Variants in DOCK6 observed in about 807,000 individuals in gnomAD.
DOCK6 encodes the protein dedicator of cytokinesis 6, also known as dedicator of cytokinesis protein 6.
Under a neutral mutation model 230.3 loss-of-function variants are expected in DOCK6, and 167 were observed. That is an observed-to-expected ratio of 0.73 (90% CI 0.64 to 0.82). DOCK6 has a LOEUF of 0.82. Ranked by LOEUF, DOCK6 falls within the 40% of genes least tolerant of loss-of-function variation. The pLI, the probability that DOCK6 is intolerant of heterozygous loss-of-function variation, is 0.00. For synonymous variants in DOCK6, 1,148 were observed against 1,185.0 expected (o/e 0.97, Z 0.64); for missense variants, 2,598 against 2,825.8 (o/e 0.92, Z 1.83).
rs368311493 is a variant in DOCK6, at chr19:11,214,420, G to A, written c.4204-11C>T. On this transcript the variant is annotated splice_polypyrimidine_tract_variant and intron_variant, in intron 33 of 47. Coordinates refer to ENST00000294618, the MANE Select transcript of DOCK6 (RefSeq NM_020812.4). The stretch of plus-strand genomic sequence containing the variant: ...TGAAAGCATCACCGTCTGGAGGGAA[G>A]GGGGTCAGAAATCCAGGTGTTAGAG... 1.5e-4 allele frequency: 234 copies of A among 1,613,748 alleles called. 2 individuals are homozygous for A. The highest frequency in any genetic ancestry group is 1.9e-4 in the Non-Finnish European group (221 of 1,179,890).
chr19:11,241,769 T>C, intron 14 of DOCK6: 5 of 1,545,590 alleles, frequency 3.2e-6, no homozygotes, highest in Non-Finnish European at 4.4e-6. Context: ...AGGGAGGAGC[T>C]GCCTGTTCAC....
At chr19:11,204,742 A>G (rs983322924) in intron 39 of DOCK6, among the ~76,000 whole-genome samples, 3 of 151,816 alleles carry the variant, frequency 2.0e-5, no homozygotes, top group Non-Finnish European at 4.4e-5. Flanking sequence ...GGGTCTCACT[A>G]TATTGCCCTA....
chr19:11,204,532 C>A (rs535042114), intron 39 of DOCK6, among the ~76,000 whole-genome samples: 3 of 152,100 alleles, frequency 2.0e-5, no homozygotes, highest in Admixed American at 1.3e-4. Context: ...ATGGTCTTCA[C>A]TGCTACTTAT....
At chr19:11,246,068 TTGG>T (rs1471111872) in intron 7 of DOCK6, among the ~76,000 whole-genome samples, 190 bp from the exon 8 acceptor site, 1 of 151,616 alleles carries the variant, frequency 6.6e-6, no homozygotes, top group African/African-American at 2.4e-5. Flanking sequence ...AAGTTTTTTG[TTGG>T]TTTTTTTTTT....
intron 24 of DOCK6, 77 bp from the exon 25 acceptor site, chr19:11,223,183 C>A: frequency 7.6e-7 from 1 of 1,317,342 alleles, no homozygotes. Context: ...CCAAGATCAT[C>A]TGCCACCCCT....
chr19:11,240,380 C>T, intron 14 of DOCK6: 1 of 1,350,892 alleles, frequency 7.4e-7, no homozygotes, highest in South Asian at 1.5e-5. Flanking sequence ...CCAAAGACCT[C>T]CCAGATCAGC....
intron 24 of DOCK6, among the ~76,000 whole-genome samples, chr19:11,225,041 G>A (rs1226224952): frequency 2.6e-5 from 4 of 151,716 alleles, no homozygotes; most frequent in East Asian, 1.9e-4. Context: ...TCCCGCCTGG[G>A]CGACAGAATG....
At chr19:11,256,416 G>A (rs557740498) in intron 1 of DOCK6, among the ~76,000 whole-genome samples, 4 of 152,072 alleles carry the variant, frequency 2.6e-5, no homozygotes, top group Admixed American at 6.6e-5. Context: ...GGAAAACGCC[G>A]GGTCTGCAAC....
intron 4 of DOCK6, 111 bp from the exon 5 acceptor site, chr19:11,252,359 C>T (rs1170101410): frequency 6.3e-7 from 1 of 1,579,812 alleles, no homozygotes; most frequent in Non-Finnish European, 8.6e-7. Flanking sequence ...CCTTGTGCTC[C>T]ACCAGACAAG....
At chr19:11,233,456 C>G (rs576834875) in intron 21 of DOCK6, 90 bp from the exon 22 acceptor site, 2 of 1,464,906 alleles carry the variant, frequency 1.4e-6, no homozygotes, top group South Asian at 2.7e-5. Context: ...TGCAAAATCA[C>G]TTTCCTTCTC....
At chr19:11,249,873 G>C (rs1445159042) in intron 6 of DOCK6, among the ~76,000 whole-genome samples, 1 of 143,236 alleles carries the variant, frequency 7.0e-6, no homozygotes, top group African/African-American at 2.6e-5. Context: ...AGTCCAGCCT[G>C]GGCGACAAGA....
intron 30 of DOCK6, 50 bp downstream of exon 30, chr19:11,216,864 G>A (rs2079496303): frequency 1.3e-6 from 2 of 1,591,652 alleles, no homozygotes; most frequent in South Asian, 2.2e-5. Flanking sequence ...GGGTCCCTGG[G>A]TACATCCTTA....
chr19:11,221,913 T>C lies in DOCK6; in HGVS notation c.3488A>G (p.Glu1163Gly), dbSNP rs2079584789. ...AEATVKARVA[E>G]LYLPLLSIAR... ...AATCGATAGCAGTGGCAGGTACAGCTCGGCCACACGAGCCTTCACAGTGGC... is the reference window on the plus strand; with the variant it reads ...AATCGATAGCAGTGGCAGGTACAGCCCGGCCACACGAGCCTTCACAGTGGC... The change falls in exon 28 of 48, where the codon GAG (glutamate) becomes GGG (glycine). Residue 1163 changes from glutamate (E) to glycine (G), a missense_variant. Glu to Gly is a moderately conservative substitution (Grantham distance 98). Coordinates refer to ENST00000294618, the MANE Select transcript of DOCK6 (RefSeq NM_020812.4). 6.2e-7 allele frequency: 1 copy of C among 1,613,080 alleles called. No individual in the cohort carries two copies. Among genetic ancestry groups the C allele is most frequent in the South Asian group, 1.1e-5 (1 of 91,086 alleles).
Position 11,202,639 on chromosome 19 carries a change from A to T in DOCK6, c.5306T>A (p.Phe1769Tyr), listed in dbSNP as rs1442145011. Residue 1769 changes from phenylalanine to tyrosine, a missense_variant, in exon 42 of 48, where the codon TTT becomes TAT. Physicochemically the swap from Phe to Tyr is conservative, Grantham distance 22 (BLOSUM62 3). Transcript: ENST00000294618. The surrounding 1 kb of genome is among the most constrained non-coding windows in gnomAD (Gnocchi z 5.3). Reference protein sequence around the residue: ...AHFGDLDEQEFVYKEPSITKL... With the variant: ...AHFGDLDEQEYVYKEPSITKL... ...CGTGATCGATGGCTCCTTGTACACAAACTCCTGCTCATCCAGGTCACCGAA... is the reference window on the plus strand; with the variant it reads ...CGTGATCGATGGCTCCTTGTACACATACTCCTGCTCATCCAGGTCACCGAA... The T allele has an allele frequency of 6.2e-7, 1 of 1,613,814 alleles. No homozygotes were observed. The highest frequency in any genetic ancestry group is 1.3e-5 in the African/African-American group (1 of 74,902).
At position 11,221,532 on chromosome 19, in the gene DOCK6, G is replaced by A. The variant is rs149887352; in HGVS notation, c.3550+319C>T. On this transcript the variant is annotated intron_variant, in intron 28 of 47. Transcript: ENST00000294618. ...CTCACTTGGATGTTCCCTACTTTTT[G>A]CTCTTCTTAGAAAATAATAAATGGT... 95 of 290,092 alleles carry A rather than the reference G, an allele frequency of 3.3e-4. No individual in the cohort carries two copies. The East Asian group carries it at 6.0e-3, about 18-fold the overall frequency. The allele number at this position is 290,092 out of a possible 1,614,324, so 18.0% of individuals were successfully genotyped here.
In DOCK6 at chr19:11,212,008, G is replaced by A; in HGVS notation, c.4635C>T (p.Ser1545=). The stretch of plus-strand genomic sequence containing the variant: ...CAGGTGTCACCTGCTCTGCGAAGGT[G>A]CTGTCCCGCAGCCCCATGTCCTCCT... ...YAEEDMGLRD[S]TFAEQVQDLM... The change falls in exon 36 of 48, where the codon AGC becomes AGT. Residue 1545 remains serine, a synonymous_variant. Coordinates refer to ENST00000294618, the MANE Select transcript of DOCK6 (RefSeq NM_020812.4). 1 of 1,606,236 alleles carries A rather than the reference G, an allele frequency of 6.2e-7. No individual in the cohort carries two copies. The highest frequency in any genetic ancestry group is 8.5e-7 in the Non-Finnish European group (1 of 1,176,696).
chr19:11,201,046 G>C lies in DOCK6; in HGVS notation c.5695C>G (p.Leu1899Val). The C allele has an allele frequency of 6.2e-7, 1 of 1,613,726 alleles. No homozygotes were observed. The highest frequency in any genetic ancestry group is 1.3e-5 in the African/African-American group (1 of 75,052). ...IRVCHREETV[L>V]TPVEVAIEDM... Reference sequence around the variant, plus strand: ...TCGATGGCCACCTCCACTGGCGTCAGCACCGTCTGTGGGGTAAGGGGAGGG... The same window carrying C: ...TCGATGGCCACCTCCACTGGCGTCACCACCGTCTGTGGGGTAAGGGGAGGG... The change falls in exon 45 of 48, where the codon CTG becomes GTG. Residue 1899 changes from leucine (L) to valine (V), a missense_variant. Coordinates refer to ENST00000294618, the MANE Select transcript of DOCK6 (RefSeq NM_020812.4). This position sits in a 1 kb window ranked among gnomAD's most constrained non-coding sequence, Gnocchi z 4.3.
chr19:11,215,270 G>A, intron 32 of DOCK6, 117 bp downstream of exon 32: 1 of 881,052 alleles, frequency 1.1e-6, no homozygotes. Flanking sequence ...TAAATTTTTG[G>A]TAGAGAGGGT....
rs34243815 is a variant in DOCK6 at position 11,214,289 on chromosome 19, C to T, written c.4324G>A (p.Ala1442Thr). Residue 1442 changes from alanine to threonine, a missense_variant, in exon 34 of 48, where the codon GCC (alanine) becomes ACC (threonine). Physicochemically the swap from Ala to Thr is moderately conservative, Grantham distance 58 (BLOSUM62 0). Coordinates refer to ENST00000294618, the MANE Select transcript of DOCK6 (RefSeq NM_020812.4). ...GTGGTGCTCACCTTGGACACAAGGG[C>T]CCTCTGGGTGGCCAGGCCATGCTGC... ...FLQHGLATQR[A>T]LVSKFPELLF... 0.063 allele frequency: 101,462 copies of T among 1,611,394 alleles called. 3,568 individuals carry two copies. Among genetic ancestry groups the T allele is most frequent in the Middle Eastern group, 0.093 (562 of 6,056 alleles).
Sources: allele counts gnomAD v4.1 joint callset (sites outside exome capture counted in the v4.1 genomes callset), GRCh38; gene constraint gnomAD v4.1.1; non-coding constraint Gnocchi (gnomAD v3.1); transcripts MANE v1.5; gene names NCBI Gene and HGNC (gene_info 2026-07-23, HGNC 2026-07-21).